USP45: variants seen among roughly 807,000 people sequenced by gnomAD.
USP45 encodes ubiquitin carboxyl-terminal hydrolase 45.
In USP45, 89 loss-of-function variants were observed where a neutral mutation model predicts 95.8. The ratio of observed to expected loss-of-function variants is 0.93; its 90% confidence interval spans 0.78 to 1.11. The LOEUF (loss-of-function observed/expected upper bound fraction) is 1.11, where lower values mean the gene tolerates loss of function less well. USP45 is among the 50% of genes least tolerant of loss of function. The pLI is 0.00. For synonymous variants in USP45, 281 were observed against 316.2 expected (o/e 0.89, Z 1.18); for missense variants, 898 against 942.5 (o/e 0.95, Z 0.62).
At chr6:99,502,895 G>C (rs984513074) in intron 5 of USP45, among the ~76,000 whole-genome samples, 2 of 152,120 alleles carry the variant, frequency 1.3e-5, no homozygotes, top group Admixed American at 1.3e-4. Context: ...CACCATGATT[G>C]AAAGTTTCCT....
chr6:99,476,167 A>C lies in USP45; in HGVS notation c.909T>G (p.Asp303Glu). 1 of 1,614,000 alleles carries C rather than the reference A, an allele frequency of 6.2e-7. No individual in the cohort carries two copies. The highest frequency in any genetic ancestry group is 8.5e-7 in the Non-Finnish European group (1 of 1,179,892). The stretch of plus-strand genomic sequence containing the variant: ...CCTTTGTTTCTTCTGTCCTCACTGC[A>C]TCCAGAAGATAATGAAGAAGCTCCT... Reference protein sequence around the residue: ...DSQELLHYLLDAVRTEETKRI... With the variant: ...DSQELLHYLLEAVRTEETKRI... The change falls in exon 9 of 18, where the codon GAT (aspartate) becomes GAG (glutamate). Residue 303 changes from aspartate (D) to glutamate (E), a missense_variant. Physicochemically the swap from Asp to Glu is conservative, Grantham distance 45 (BLOSUM62 2). Transcript: ENST00000500704.
In USP45 at chr6:99,488,663, C is replaced by G; in HGVS notation, c.618+18G>C. The G allele has an allele frequency of 6.3e-7, 1 of 1,589,788 alleles. No individual in the cohort carries two copies. The highest frequency in any genetic ancestry group is 8.5e-7 in the Non-Finnish European group (1 of 1,172,058). On this transcript the variant is annotated intron_variant, in intron 6 of 17. Coordinates refer to ENST00000500704, the MANE Select transcript of USP45 (RefSeq NM_001346022.3). ...AGAGAATCTTTTACATATTACAAAG[C>G]TTTCTGATGACTCTTACCTGCATGA...
chr6:99,451,998 T>C (rs1452874728), intron 13 of USP45, among the ~76,000 whole-genome samples: 1 of 152,126 alleles, frequency 6.6e-6, no homozygotes, highest in East Asian at 1.9e-4. Flanking sequence ...TGAAAATGGA[T>C]CCCTTCCTTA....
At chr6:99,480,544 G>A (rs762031636) in intron 8 of USP45, among the ~76,000 whole-genome samples, 9 of 151,976 alleles carry the variant, frequency 5.9e-5, no homozygotes, top group Non-Finnish European at 1.3e-4. Flanking sequence ...GTGTGGTAGC[G>A]GGCGCCTGTA....
intron 11 of USP45, among the ~76,000 whole-genome samples, chr6:99,466,285 A>T (rs537274427): frequency 1.3e-4 from 20 of 152,184 alleles, no homozygotes; most frequent in African/African-American, 4.8e-4. Context: ...CTCCCAAAGT[A>T]CTGGGATTAT....
chr6:99,464,877 A>T (rs1233898002), intron 12 of USP45, 130 bp from the exon 13 acceptor site: 9 of 1,175,082 alleles, frequency 7.7e-6, no homozygotes, highest in Admixed American at 6.1e-5. Flanking sequence ...AGTGTTTAAG[A>T]GTTTAAATTC....
intron 9 of USP45, among the ~76,000 whole-genome samples, chr6:99,473,803 A>ACACACACACACACACAC (rs1562370224): frequency 2.9e-4 from 5 of 17,174 alleles, no homozygotes; most frequent in African/African-American, 7.2e-4. Flanking sequence ...CACACACACA[A>ACACACACACACACACAC]ATTCACAGAA....
intron 7 of USP45, 146 bp from the exon 8 acceptor site, chr6:99,483,029 T>C (rs866770709): frequency 1.8e-4 from 116 of 655,272 alleles, no homozygotes; most frequent in Middle Eastern, 9.3e-4. Context: ...AAATAAAATA[T>C]ATAAAAATGG....
intron 8 of USP45, among the ~76,000 whole-genome samples, 159 bp from the exon 9 acceptor site, chr6:99,476,389 T>C (rs1338832415): frequency 6.6e-6 from 1 of 152,192 alleles, no homozygotes; most frequent in Non-Finnish European, 1.5e-5. Context: ...GCAGATCACT[T>C]GAGCTCAGGA....
At chr6:99,438,507 A>G (rs1005457483) in intron 16 of USP45, among the ~76,000 whole-genome samples, 21 of 152,230 alleles carry the variant, frequency 1.4e-4, no homozygotes, top group Admixed American at 1.4e-3. Flanking sequence ...TGTAATTATT[A>G]AACAAAATTA....
chr6:99,498,543 T>C (rs949383146), intron 5 of USP45, among the ~76,000 whole-genome samples: 1 of 152,114 alleles, frequency 6.6e-6, no homozygotes, highest in Non-Finnish European at 1.5e-5. Context: ...ATCCTAGAAG[T>C]AGGATTTGAG....
chr6:99,508,840 T>C lies in USP45; in HGVS notation c.101-58A>G, dbSNP rs951660458. ...CTTTGCTACACCAAAGTGCTACCAT[T>C]ACTGAGCAAACCTCAAAAGTATTAA... On this transcript the variant is annotated intron_variant, in intron 2 of 17. Transcript: ENST00000500704. The C allele has an allele frequency of 5.4e-6, 8 of 1,478,270 alleles. No individual in the cohort carries two copies. In the African/African-American group the frequency reaches 1.1e-4, roughly 21 times the overall value. The allele number at this position is 1,478,270 out of a possible 1,614,324, so 91.6% of individuals were successfully genotyped here. A position where few individuals can be genotyped will look rare whatever the true frequency, so the allele number is the denominator to read the frequency against.
chr6:99,496,028 T>C (rs1318779327), intron 5 of USP45, among the ~76,000 whole-genome samples: 1 of 152,184 alleles, frequency 6.6e-6, no homozygotes, highest in Non-Finnish European at 1.5e-5. Flanking sequence ...AAAATGTCAT[T>C]ATCTTTTTGA....
intron 13 of USP45, chr6:99,461,022 G>C: frequency 1.0e-6 from 1 of 985,334 alleles, no homozygotes; most frequent in African/African-American, 1.7e-5. Context: ...GCAGCTAACA[G>C]GTGGTGGGAA....
intron 8 of USP45, among the ~76,000 whole-genome samples, chr6:99,478,932 G>A (rs945978821): frequency 6.6e-6 from 1 of 151,414 alleles, no homozygotes; most frequent in Non-Finnish European, 1.5e-5. Context: ...AGTGAAGGAA[G>A]TCAGATAAAA....
chr6:99,455,114 A>C (rs866819990), intron 13 of USP45, among the ~76,000 whole-genome samples: 4 of 151,464 alleles, frequency 2.6e-5, no homozygotes, highest in South Asian at 4.2e-4. Flanking sequence ...AAAAAACAAA[A>C]AAACAAAACA....
At chr6:99,462,514 C>G in intron 13 of USP45, 1 of 985,320 alleles carries the variant, frequency 1.0e-6, no homozygotes. Context: ...AATGCTTTAA[C>G]CTTTTCAAAC....
At chr6:99,510,339 C>G in intron 1 of USP45, 109 bp from the exon 2 acceptor site, 1 of 680,084 alleles carries the variant, frequency 1.5e-6, no homozygotes, top group South Asian at 2.2e-5. Context: ...TCAACTGGTC[C>G]GGGAAATCAA....
chr6:99,506,337 G>GT (rs1227129048), intron 4 of USP45, among the ~76,000 whole-genome samples: 2 of 152,108 alleles, frequency 1.3e-5, no homozygotes, highest in East Asian at 1.9e-4. Context: ...CTTGTTTTTG[G>GT]TTTTTTTGAA....
Sources: gnomAD v4.1 joint callset for allele counts (sites outside exome capture counted in the v4.1 genomes callset) on GRCh38, gnomAD v4.1.1 for gene constraint, MANE v1.5 for transcripts, NCBI Gene and HGNC (gene_info 2026-07-23, HGNC 2026-07-21) for gene names.